Variants in WWOX observed in about 807,000 individuals in gnomAD.
The protein encoded by WWOX is WW domain containing oxidoreductase, also known as WW domain-containing oxidoreductase.
WWOX carries 69 observed loss-of-function variants against 46.2 expected under a neutral mutation model. The ratio of observed to expected loss-of-function variants is 1.49; its 90% CI spans 1.23 to 1.82. The LOEUF (loss-of-function observed/expected upper bound fraction) is 1.82, where lower values mean the gene tolerates loss of function less well. Among genes scored for constraint, WWOX ranks in the 40% most tolerant of loss-of-function variants. The pLI, the probability that WWOX is intolerant of heterozygous loss-of-function variation, is 0.00. For synonymous variants in WWOX, 359 were observed against 202.6 expected (o/e 1.77, Z -6.56); for missense variants, 919 against 542.6 (o/e 1.69, Z -6.89).
chr16:79,016,817 G>A (rs2047422851), intron 8 of WWOX: 1 of 152,206 alleles, frequency 6.6e-6, no homozygotes, highest in Non-Finnish European at 1.5e-5. Flanking sequence ...CTCAACTACT[G>A]CTTTTTAAAG....
chr16:79,116,571 G>C (rs1425340994), intron 8 of WWOX, among the ~76,000 whole-genome samples: 2 of 152,122 alleles, frequency 1.3e-5, no homozygotes, highest in African/African-American at 4.8e-5. Flanking sequence ...TTTCTCATGA[G>C]ATTGCAGCAA....
chr16:79,154,279 A>G (rs1200427522), intron 8 of WWOX, among the ~76,000 whole-genome samples: 1 of 152,156 alleles, frequency 6.6e-6, no homozygotes, highest in Non-Finnish European at 1.5e-5. Context: ...CACCGTGGGA[A>G]TGGCTGGGCA....
At position 78,104,279 on chromosome 16, in the gene WWOX, CCTCA is replaced by C. The variant is rs1415770191; in HGVS notation, c.108-4141_108-4138del. 6.1e-5 allele frequency among the ~76,000 whole-genome samples: 9 copies of C among 147,474 alleles called. No homozygotes were observed. The Admixed American group carries it at 6.1e-4, about 10-fold the overall frequency. On this transcript the variant is annotated intron_variant, in intron 1 of 8. Coordinates refer to ENST00000566780, the MANE Select transcript of WWOX (RefSeq NM_016373.4). The stretch of plus-strand genomic sequence containing the variant: ...ACACACACACACACACACTGGCTGT[CCTCA>C]CTGTCAACTCTAGATCTCCCTGCTA...
intron 8 of WWOX, among the ~76,000 whole-genome samples, chr16:79,182,742 A>G (rs1476417356): frequency 1.3e-5 from 2 of 152,160 alleles, no homozygotes; most frequent in Admixed American, 1.3e-4. Flanking sequence ...TTTTTACTGC[A>G]TAGTTTTGTT....
intron 8 of WWOX, among the ~76,000 whole-genome samples, chr16:78,783,187 C>G (rs1039212956): frequency 6.6e-6 from 1 of 152,192 alleles, no homozygotes; most frequent in Admixed American, 6.5e-5. Flanking sequence ...TAATGGCTGC[C>G]TGATAATTGG....
intron 8 of WWOX, among the ~76,000 whole-genome samples, chr16:79,020,258 G>GCT (rs1158257862): frequency 6.6e-6 from 1 of 152,232 alleles, no homozygotes; most frequent in Non-Finnish European, 1.5e-5. Context: ...GTGCTGGATG[G>GCT]AGAGGACAGT....
At chr16:78,607,744 G>T (rs768578207) in intron 8 of WWOX, among the ~76,000 whole-genome samples, 1 of 151,806 alleles carries the variant, frequency 6.6e-6, no homozygotes, top group Non-Finnish European at 1.5e-5. Flanking sequence ...GTCAAGGGCA[G>T]AGTGTGCTGT....
chr16:78,719,499 T>C (rs2048643649), intron 8 of WWOX, among the ~76,000 whole-genome samples: 1 of 151,976 alleles, frequency 6.6e-6, no homozygotes, highest in African/African-American at 2.4e-5. Context: ...GAAGGAGGAG[T>C]GTCTAGATGA....
intron 8 of WWOX, among the ~76,000 whole-genome samples, chr16:79,190,673 A>T (rs1328666195): frequency 6.6e-6 from 1 of 152,212 alleles, no homozygotes; most frequent in Non-Finnish European, 1.5e-5. Flanking sequence ...CATTAGGTAG[A>T]AGAGGGCTCT....
At chr16:78,530,890 A>G (rs1299298082) in intron 8 of WWOX, among the ~76,000 whole-genome samples, 1 of 152,244 alleles carries the variant, frequency 6.6e-6, no homozygotes, top group Non-Finnish European at 1.5e-5. Context: ...ACGTTTTACA[A>G]CACATTATCT....
rs148092109 is a variant in WWOX at position 78,647,918 on chromosome 16, G to A, written c.1056+215166G>A. On this transcript the variant is annotated intron_variant, in intron 8 of 8. Transcript: ENST00000566780. ...GCTTTTATTGCTATTTTTCTAAAAGGCAACATTAGTAATCAACTTTGCCAA... is the reference window on the plus strand; with the variant it reads ...GCTTTTATTGCTATTTTTCTAAAAGACAACATTAGTAATCAACTTTGCCAA... Among the ~76,000 whole-genome samples, 291 of 152,262 alleles carry A rather than the reference G, an allele frequency of 1.9e-3. 1 individual carries two copies. The highest frequency in any genetic ancestry group is 6.4e-3 in the African/African-American group (267 of 41,548).
chr16:78,848,109 C>T (rs1231206104), intron 8 of WWOX, among the ~76,000 whole-genome samples: 1 of 152,150 alleles, frequency 6.6e-6, no homozygotes, highest in African/African-American at 2.4e-5. Context: ...GAGCACAGCC[C>T]ATTCGCGGAC....
chr16:78,863,834 C>T (rs1286022371), intron 8 of WWOX, among the ~76,000 whole-genome samples: 1 of 152,192 alleles, frequency 6.6e-6, no homozygotes. Flanking sequence ...TGTCCACATC[C>T]TATAAATGCT....
rs550950921 is a variant in WWOX, at chr16:78,114,646, T to C, written c.231-330T>C. Among the ~76,000 whole-genome samples the C allele has an allele frequency of 1.3e-4, 19 of 150,912 alleles. No individual in the cohort carries two copies. In the East Asian group the frequency reaches 3.3e-3, roughly 26 times the overall value. On this transcript the variant is annotated intron_variant, in intron 3 of 8. Coordinates refer to ENST00000566780, the MANE Select transcript of WWOX (RefSeq NM_016373.4). ...TGAAAAGAGTGGCTGACAGATCTTA[T>C]AGCTACATTTACATGAATTACATAA...
At chr16:78,828,652 C>G (rs893655115) in intron 8 of WWOX, among the ~76,000 whole-genome samples, 1 of 152,176 alleles carries the variant, frequency 6.6e-6, no homozygotes, top group Non-Finnish European at 1.5e-5. Flanking sequence ...ATTTACAAAA[C>G]TTCACACTCT....
intron 8 of WWOX, among the ~76,000 whole-genome samples, chr16:78,521,164 T>G (rs2151498580): frequency 6.6e-6 from 1 of 152,326 alleles, no homozygotes; most frequent in East Asian, 1.9e-4. Context: ...TTCCAGTGGC[T>G]TTTGGAGCAG....
intron 8 of WWOX, among the ~76,000 whole-genome samples, chr16:78,439,033 C>G (rs1050220890): frequency 2.0e-5 from 3 of 152,106 alleles, no homozygotes; most frequent in Non-Finnish European, 4.4e-5. Flanking sequence ...TAGAAAAATA[C>G]TTCTCCCCCT....
intron 5 of WWOX, among the ~76,000 whole-genome samples, chr16:78,361,730 G>C (rs1213579013): frequency 6.6e-6 from 1 of 152,094 alleles, no homozygotes; most frequent in African/African-American, 2.4e-5. Flanking sequence ...TCCCGTCTCA[G>C]CCTCCCAAGG....
intron 8 of WWOX, among the ~76,000 whole-genome samples, chr16:78,709,568 C>CT (rs1278093923): frequency 6.6e-6 from 1 of 152,154 alleles, no homozygotes; most frequent in Non-Finnish European, 1.5e-5. Flanking sequence ...ACTTGCCTGT[C>CT]TGCACTGCCC....
Sources: gnomAD v4.1 joint callset for allele counts (sites outside exome capture counted in the v4.1 genomes callset) on GRCh38, gnomAD v4.1.1 for gene constraint, MANE v1.5 for transcripts, NCBI Gene and HGNC (gene_info 2026-07-23, HGNC 2026-07-21) for gene names.